The following SLX4 variants were observed in gnomAD, a reference collection of about 807,000 sequenced individuals.
SLX4 encodes the protein structure-specific endonuclease subunit SLX4.
A neutral mutation model predicts 146.2 loss-of-function variants in SLX4; 112 were observed. That is an observed-to-expected ratio of 0.77 (90% CI 0.66 to 0.90). The LOEUF (loss-of-function observed/expected upper bound fraction) is 0.90. SLX4 is among the 40% of genes least tolerant of loss of function. SLX4 has a pLI of 0.00. For missense variants in SLX4, 2,563 were observed against 2,392.7 expected (o/e 1.07, Z -1.49); for synonymous variants, 1,061 against 997.7 (o/e 1.06, Z -1.20).
intron 12 of SLX4, among the ~76,000 whole-genome samples, chr16:3,586,813 G>A (rs1219787948): frequency 1.4e-5 from 2 of 145,552 alleles, no homozygotes; most frequent in African/African-American, 5.2e-5. Context: ...GAGAGGCTCC[G>A]TCTCAAAAAA....
chr16:3,587,851 G>A (rs753326695), intron 12 of SLX4, among the ~76,000 whole-genome samples: 2 of 152,202 alleles, frequency 1.3e-5, no homozygotes, highest in Admixed American at 1.3e-4. Flanking sequence ...GCAGGCAGGT[G>A]CTCACTCACA....
intron 14 of SLX4, 24 bp downstream of exon 14, chr16:3,583,073 A>AC (rs1567166254): frequency 6.2e-7 from 1 of 1,613,870 alleles, no homozygotes; most frequent in Non-Finnish European, 8.5e-7. Context: ...GAGGCCACTG[A>AC]CCCCATCGCA....
In SLX4 at chr16:3,591,306, C is replaced by G. The variant is rs142722925; in HGVS notation, c.2332G>C (p.Gly778Arg). ...SELSSLAHRF[G>R]VSELVHLCEQ... ...CACAGGTGAACGAGCTCACTCACGC[C>G]AAACCTGCAACACGAAACATCGACA... The change falls in exon 12 of 15, where the codon GGC becomes CGC. Residue 778 changes from glycine (G) to arginine (R), a missense_variant. Coordinates refer to ENST00000294008, the MANE Select transcript of SLX4 (RefSeq NM_032444.4). 269 of 1,610,712 alleles carry G rather than the reference C, an allele frequency of 1.7e-4. No individual in the cohort carries two copies. The highest frequency in any genetic ancestry group is 2.0e-4 in the Non-Finnish European group (241 of 1,180,022).
At chr16:3,585,995 C>T (rs1296537839) in intron 12 of SLX4, among the ~76,000 whole-genome samples, 2 of 151,632 alleles carry the variant, frequency 1.3e-5, no homozygotes, top group Admixed American at 6.6e-5. Context: ...AGAGCAAGAC[C>T]TTGTCTCAAA....
intron 1 of SLX4, among the ~76,000 whole-genome samples, chr16:3,610,881 G>T (rs2040856505): frequency 6.6e-6 from 1 of 152,210 alleles, no homozygotes; most frequent in South Asian, 2.1e-4. Flanking sequence ...GGAAAGGATT[G>T]GCTCACAAGG....
At position 3,597,140 on chromosome 16, in the gene SLX4, A is replaced by C. The variant is rs1044678449; in HGVS notation, c.1683+239T>G. Among the ~76,000 whole-genome samples, 5 of 152,078 alleles carry C rather than the reference A, an allele frequency of 3.3e-5. No homozygotes were observed. Among genetic ancestry groups the C allele is most frequent in the African/African-American group, 9.7e-5 (4 of 41,406 alleles). Reference sequence around the variant, plus strand: ...CCGGCCGGGACTCTGCATTTTCAACAAACTCCAGGAACACACTCTGGTGGA... The same window carrying C: ...CCGGCCGGGACTCTGCATTTTCAACCAACTCCAGGAACACACTCTGGTGGA... On this transcript the variant is annotated intron_variant, in intron 7 of 14. Transcript: ENST00000294008. The surrounding 1 kb of genome is among the most constrained non-coding windows in gnomAD (Gnocchi z 4.4).
rs763134503 is a variant in SLX4 at position 3,589,998 on chromosome 16, G to A, written c.3640C>T (p.Leu1214=). The change falls in exon 12 of 15, where the codon CTG becomes TTG. Residue 1214 remains leucine (L), a synonymous_variant. Transcript: ENST00000294008. The surrounding 1 kb of genome is among the most constrained non-coding windows in gnomAD (Gnocchi z 6.2). ...AGCGCCCCCTCATCCTCCTGCTGCA[G>A]CACAGCTTCGCTTCTTGGTGGGCTC... ...SQSPPRSEAV[L]QQEDEGALPE... 9 of 1,613,940 alleles carry A rather than the reference G, an allele frequency of 5.6e-6. No homozygotes were observed. The highest frequency in any genetic ancestry group is 7.6e-6 in the Non-Finnish European group (9 of 1,180,022).
rs770241338 is a variant in SLX4, at chr16:3,589,508, G to A, written c.4130C>T (p.Ser1377Leu). The A allele has an allele frequency of 6.2e-5, 100 of 1,609,522 alleles. No individual in the cohort carries two copies. The East Asian group carries it at 1.1e-3, about 18-fold the overall frequency. The change falls in exon 12 of 15, where the codon TCG (serine) becomes TTG (leucine). Residue 1377 changes from serine (S) to leucine (L), a missense_variant. By Grantham distance (145) the Ser-to-Leu change is moderately radical. Coordinates refer to ENST00000294008, the MANE Select transcript of SLX4 (RefSeq NM_032444.4). This position sits in a 1 kb window ranked among gnomAD's most constrained non-coding sequence, Gnocchi z 6.2. ...GTTCAGGAAGCTTGGCCCAGGCGGC[G>A]AGTGTTTCAGGAACCGCCTGCTGAA... The part of the protein sequence containing the change: ...AHFSRRFLKH[S>L]PPGPSFLNQT...
chr16:3,590,857 A>G lies in SLX4; in HGVS notation c.2781T>C (p.Ala927=), dbSNP rs2040581100. 1 of 1,613,732 alleles carries G rather than the reference A, an allele frequency of 6.2e-7. No individual in the cohort carries two copies. Among genetic ancestry groups the G allele is most frequent in the African/African-American group, 1.3e-5 (1 of 74,782 alleles). Reference sequence around the variant, plus strand: ...AGTGCTGGCCCTGGGGTGGCGGGAGAGCGCACTGTCCCATCTTCTCCCAGG... The same window carrying G: ...AGTGCTGGCCCTGGGGTGGCGGGAGGGCGCACTGTCCCATCTTCTCCCAGG... ...ATTWEKMGQC[A]LPPPQGQHSG... Residue 927 remains alanine (A), a synonymous_variant, in exon 12 of 15, where the codon GCT becomes GCC. Transcript: ENST00000294008. This position sits in a 1 kb window ranked among gnomAD's most constrained non-coding sequence, Gnocchi z 4.8.
At chr16:3,599,328 C>T (rs1567174846) in intron 5 of SLX4, among the ~76,000 whole-genome samples, 2 of 152,212 alleles carry the variant, frequency 1.3e-5, no homozygotes, top group Non-Finnish European at 2.9e-5. Flanking sequence ...TTGCTCCTGA[C>T]AGCGGTCTCA....
rs760126773 is a variant in SLX4, at chr16:3,594,476, G to A, written c.2137C>T (p.Arg713Ter). ...LYAHKFVLYARCPLLIQYVNN... is the reference protein window; with the variant it reads ...LYAHKFVLYA ...ACATACTGGATGAGGAGCGGGCATC[G>A]GGCATAAAGCACGAACTTGTGGGCG... The change falls in exon 10 of 15, where the codon CGA becomes TGA. Residue 713 changes from arginine (R) to a stop codon, truncating the protein, a stop_gained. Transcript: ENST00000294008. LOFTEE classifies it high-confidence loss of function. 2.7e-5 allele frequency: 43 copies of A among 1,613,616 alleles called. No homozygotes were observed. Among genetic ancestry groups the A allele is most frequent in the South Asian group, 5.5e-5 (5 of 91,016 alleles).
Position 3,582,251 on chromosome 16 carries a change from C to G in SLX4, c.*91G>C. ...CAGGCCCAGAAATGCCTGTGGAGGC[C>G]TGACCCACGCTGGGTGTCCCAGGTC... On this transcript the variant is annotated 3_prime_UTR_variant, in exon 15 of 15. Coordinates refer to ENST00000294008, the MANE Select transcript of SLX4 (RefSeq NM_032444.4). 8.6e-7 allele frequency: 1 copy of G among 1,166,382 alleles called. No homozygotes were observed. 72.3% of individuals were successfully genotyped at this position (1,166,382 alleles called of 1,614,324 possible).
chr16:3,588,982 C>T lies in SLX4; in HGVS notation c.4636+20G>A, dbSNP rs377534123. ...TAGTAACAAAGACAGTCCCCTTCCC[C>T]AGCTCTCCTGGCTACTCACTGGGTG... On this transcript the variant is annotated intron_variant, in intron 12 of 14. Coordinates refer to ENST00000294008, the MANE Select transcript of SLX4 (RefSeq NM_032444.4). The T allele has an allele frequency of 6.2e-6, 10 of 1,613,754 alleles. No individual in the cohort carries two copies. The African/African-American group carries it at 1.3e-4, about 22-fold the overall frequency.
chr16:3,599,215 CCCCTCTG>C (rs1161553834), intron 5 of SLX4, among the ~76,000 whole-genome samples: 1 of 152,224 alleles, frequency 6.6e-6, no homozygotes, highest in African/African-American at 2.4e-5. Flanking sequence ...CCAAGAGAAT[CCCCTCTG>C]CCCTCTGCCA....
At chr16:3,587,707 C>G (rs1002269891) in intron 12 of SLX4, among the ~76,000 whole-genome samples, 1 of 151,802 alleles carries the variant, frequency 6.6e-6, no homozygotes, top group African/African-American at 2.4e-5. Context: ...CCTCCCGAAG[C>G]AAGGCTCTGG....
chr16:3,592,959 CT>C, intron 10 of SLX4, 94 bp from the exon 11 acceptor site: 1 of 1,310,816 alleles, frequency 7.6e-7, no homozygotes, highest in Non-Finnish European at 1.0e-6. Context: ...AGTCACTAGT[CT>C]TTTTATTTTT....
rs898279810 is a variant in SLX4 at position 3,609,204 on chromosome 16, C to T, written c.-240G>A. 3.2e-5 allele frequency: 15 copies of T among 461,744 alleles called. No homozygotes were observed. The highest frequency in any genetic ancestry group is 6.1e-4 in the Middle Eastern group (1 of 1,638). The allele number at this position is 461,744 out of a possible 1,614,324, so 28.6% of individuals were successfully genotyped here. On this transcript the variant is annotated 5_prime_UTR_variant, in exon 2 of 15. Transcript: ENST00000294008. ...GGTGGATCACCTGAGGTCAGAAGTTCGAGACCAGCCTGGCCAATATGGTGA... is the reference window on the plus strand; with the variant it reads ...GGTGGATCACCTGAGGTCAGAAGTTTGAGACCAGCCTGGCCAATATGGTGA...
At chr16:3,607,486 G>A (rs2040799881) in intron 2 of SLX4, among the ~76,000 whole-genome samples, 1 of 152,160 alleles carries the variant, frequency 6.6e-6, no homozygotes, top group Non-Finnish European at 1.5e-5. Flanking sequence ...ATATAGCTCA[G>A]TATACCAAGG....
rs201192909 is a variant in SLX4 at position 3,602,235 on chromosome 16, C to T, written c.833G>A (p.Arg278Gln). 3.0e-4 allele frequency: 492 copies of T among 1,614,180 alleles called. 3 individuals are homozygous for T. The South Asian group carries it at 3.5e-3, about 11-fold the overall frequency. The change falls in exon 4 of 15, where the codon CGG (arginine) becomes CAG (glutamine). Residue 278 changes from arginine to glutamine, a missense_variant. By Grantham distance (43) the Arg-to-Gln change is conservative. Coordinates refer to ENST00000294008, the MANE Select transcript of SLX4 (RefSeq NM_032444.4). ...ATCATCATGTGCCGATGCTCCTACCCGTGCAAACTCCTGCTGCAGGGTCAA... is the reference window on the plus strand; with the variant it reads ...ATCATCATGTGCCGATGCTCCTACCTGTGCAAACTCCTGCTGCAGGGTCAA... ...VALTLQQEFA[R>Q]VGASAHDDSL...
Sources: allele counts gnomAD v4.1 joint callset (sites outside exome capture counted in the v4.1 genomes callset), GRCh38; gene constraint gnomAD v4.1.1; non-coding constraint Gnocchi (gnomAD v3.1); transcripts MANE v1.5; gene names NCBI Gene and HGNC (gene_info 2026-07-23, HGNC 2026-07-21).